The following ARID4B variants were observed in gnomAD, a reference collection of about 807,000 sequenced individuals.
The protein encoded by ARID4B is AT-rich interactive domain-containing protein 4B.
A neutral mutation model predicts 147.5 loss-of-function variants in ARID4B; 26 were observed. The observed-to-expected ratio is 0.18, with a 90% confidence interval of 0.13 to 0.24. ARID4B has a LOEUF of 0.24. Ranked by LOEUF, ARID4B falls within the 10% of genes least tolerant of loss-of-function variation. The pLI is 1.00. For synonymous variants in ARID4B, 512 were observed against 507.9 expected, an observed-to-expected ratio of 1.01 and a Z score of -0.11; for missense variants, 1,179 against 1,511.5, an observed-to-expected ratio of 0.78 and a Z score of 3.65.
At chr1:235,201,935 G>C (rs774856741) in intron 17 of ARID4B, among the ~76,000 whole-genome samples, 4 of 151,594 alleles carry the variant, frequency 2.6e-5, no homozygotes, top group Non-Finnish European at 1.5e-5. Flanking sequence ...TGCAATTTTA[G>C]ATTCAAGCAA....
intron 2 of ARID4B, among the ~76,000 whole-genome samples, chr1:235,266,527 C>A (rs2103130515): frequency 6.6e-6 from 1 of 152,296 alleles, no homozygotes; most frequent in Non-Finnish European, 1.5e-5. Flanking sequence ...TCACAGTTTT[C>A]CAGCATTGCT....
chr1:235,276,835 C>A (rs542111976), intron 2 of ARID4B, among the ~76,000 whole-genome samples: 1 of 151,748 alleles, frequency 6.6e-6, no homozygotes, highest in South Asian at 2.1e-4. Context: ...CTCATCTCTA[C>A]TAAAAATACA....
intron 23 of ARID4B, 69 bp from the exon 24 acceptor site, chr1:235,168,721 A>G: frequency 6.6e-7 from 1 of 1,505,272 alleles, no homozygotes; most frequent in Non-Finnish European, 9.0e-7. Context: ...AGAAAATACT[A>G]GTCCTCTGAA....
chr1:235,272,030 G>A (rs1003854986), intron 2 of ARID4B, among the ~76,000 whole-genome samples: 3 of 152,044 alleles, frequency 2.0e-5, no homozygotes, highest in South Asian at 2.1e-4. Context: ...TCAAGAATAT[G>A]ATTTTGAAAG....
At chr1:235,188,104 T>TG (rs1351757821) in intron 19 of ARID4B, among the ~76,000 whole-genome samples, 1 of 151,926 alleles carries the variant, frequency 6.6e-6, no homozygotes, top group African/African-American at 2.4e-5. Flanking sequence ...TAAATATGTG[T>TG]GTGGGGGGGT....
Position 235,181,768 on chromosome 1 carries a change from G to A in ARID4B, c.3151C>T (p.Leu1051=). ...CGAACCTCTTCTTGGTTTGGAGCCA[G>A]TGGTTCTGATACTGTTACAGAAGAC... is the stretch of plus-strand genomic sequence containing the variant. ...QQSSVTVSEP[L]APNQEEVRSI... The change falls in exon 20 of 24, where the codon CTG becomes TTG. Residue 1051 remains leucine, a synonymous_variant. Coordinates refer to ENST00000264183, the MANE Select transcript of ARID4B (RefSeq NM_016374.6). 6.2e-7 allele frequency: 1 copy of A among 1,614,220 alleles called. No individual in the cohort carries two copies. Among genetic ancestry groups the A allele is most frequent in the Non-Finnish European group, 8.5e-7 (1 of 1,180,040 alleles).
At chr1:235,198,961 T>C (rs1665688698) in intron 17 of ARID4B, among the ~76,000 whole-genome samples, 1 of 152,128 alleles carries the variant, frequency 6.6e-6, no homozygotes, top group East Asian at 1.9e-4. Flanking sequence ...TAGCCAGGCA[T>C]GATGGCGCAT....
intron 2 of ARID4B, among the ~76,000 whole-genome samples, chr1:235,295,486 C>T (rs1007358416): frequency 1.5e-4 from 18 of 123,820 alleles, no homozygotes; most frequent in African/African-American, 5.0e-4. Context: ...CTCTAGCCTG[C>T]GGGGGGACAA....
intron 19 of ARID4B, among the ~76,000 whole-genome samples, chr1:235,192,397 A>G (rs1462305280): frequency 2.0e-5 from 3 of 152,240 alleles, no homozygotes; most frequent in Admixed American, 1.3e-4. Flanking sequence ...ACTAGTATCC[A>G]TATTATTACT....
intron 5 of ARID4B, among the ~76,000 whole-genome samples, chr1:235,253,051 A>G (rs1173428882): frequency 1.3e-5 from 2 of 152,248 alleles, no homozygotes; most frequent in Non-Finnish European, 2.9e-5. Context: ...ATAAAACAGG[A>G]TATACCAAAT....
intron 2 of ARID4B, among the ~76,000 whole-genome samples, chr1:235,319,560 C>A (rs1674680390): frequency 1.3e-5 from 2 of 152,222 alleles, no homozygotes; most frequent in Admixed American, 1.3e-4. Flanking sequence ...AATTATATCT[C>A]ATTTTTTTTA....
chr1:235,231,488 T>C (rs1376415624), intron 9 of ARID4B, among the ~76,000 whole-genome samples: 1 of 152,204 alleles, frequency 6.6e-6, no homozygotes, highest in African/African-American at 2.4e-5. Context: ...TTTTTTGTTT[T>C]GTTTTGTTTT....
intron 2 of ARID4B, among the ~76,000 whole-genome samples, chr1:235,319,109 C>G (rs1340515494): frequency 6.6e-6 from 1 of 152,074 alleles, no homozygotes; most frequent in Non-Finnish European, 1.5e-5. Flanking sequence ...GGTAACACAG[C>G]AAGACCTCAT....
chr1:235,326,862 T>G (rs2103325160), intron 2 of ARID4B, 52 bp downstream of exon 2: 1 of 1,609,946 alleles, frequency 6.2e-7, no homozygotes, highest in East Asian at 2.2e-5. Context: ...CGAAACCTCC[T>G]ACTTCCTGAA....
At chr1:235,215,783 C>T (rs1449995411) in intron 16 of ARID4B, among the ~76,000 whole-genome samples, 1 of 151,692 alleles carries the variant, frequency 6.6e-6, no homozygotes, top group East Asian at 1.9e-4. Context: ...AGACAGGGGT[C>T]TCACTATGTT....
rs552367915 is a variant in ARID4B at position 235,299,568 on chromosome 1, A to T, written c.6+27346T>A. Among the ~76,000 whole-genome samples, 194 of 152,342 alleles carry T rather than the reference A, an allele frequency of 1.3e-3. 1 individual carries two copies. Among genetic ancestry groups the T allele is most frequent in the African/African-American group, 4.6e-3 (190 of 41,580 alleles). On this transcript the variant is annotated intron_variant, in intron 2 of 23. Transcript: ENST00000264183. ...ACGCTCAGAGTTCAGCCTAGTCAAA[A>T]ATTAACACCAGCCTCTAATACATCA...
intron 2 of ARID4B, among the ~76,000 whole-genome samples, chr1:235,298,526 T>C (rs896241253): frequency 1.3e-5 from 2 of 148,490 alleles, no homozygotes; most frequent in Non-Finnish European, 1.5e-5. Flanking sequence ...AACGTATATT[T>C]ATATATATCC....
chr1:235,223,201 A>G lies in ARID4B; in HGVS notation c.1030T>C (p.Phe344Leu), dbSNP rs1558218730. 1.9e-6 allele frequency: 3 copies of G among 1,592,040 alleles called. No homozygotes were observed. The highest frequency in any genetic ancestry group is 2.6e-6 in the Non-Finnish European group (3 of 1,169,534). The change falls in exon 13 of 24, where the codon TTC (phenylalanine) becomes CTC (leucine). Residue 344 changes from phenylalanine to leucine, a missense_variant. Phe to Leu is a conservative substitution (Grantham distance 22). This residue lies in a region of ARID4B where 26 missense variants were observed against 77.9 expected (regional missense o/e 0.33). Transcript: ENST00000264183. ...GYRNLNLFKL[F>L]RLVHKLGGFD... ...CCTCCAAGTTTGTGTACAAGTCTGA[A>G]TAACTTAAAGAGATTCAAATTTCGA...
At chr1:235,251,817 A>G (rs1471946947) in intron 6 of ARID4B, among the ~76,000 whole-genome samples, 1 of 152,172 alleles carries the variant, frequency 6.6e-6, no homozygotes, top group Non-Finnish European at 1.5e-5. Flanking sequence ...ACGTAACACC[A>G]TTTAGAGCAA....
Sources: allele counts gnomAD v4.1 joint callset (sites outside exome capture counted in the v4.1 genomes callset), GRCh38; gene constraint gnomAD v4.1.1; regional missense constraint gnomAD v4.1.1; transcripts MANE v1.5; gene names NCBI Gene and HGNC (gene_info 2026-07-23, HGNC 2026-07-21).